The following NPHS2 variants were observed in gnomAD, a reference collection of about 807,000 sequenced individuals.
The protein encoded by NPHS2 is NPHS2 stomatin family member, podocin.
NPHS2 carries 36 observed loss-of-function variants against 37.1 expected under a neutral mutation model. The observed-to-expected ratio is 0.97, with a 90% confidence interval of 0.74 to 1.28. The LOEUF is 1.28. Ranked by LOEUF, NPHS2 falls within the 50% of genes most tolerant of loss-of-function variation. NPHS2 has a pLI of 0.00. For missense variants in NPHS2, 447 were observed against 488.1 expected (o/e 0.92, Z 0.79); for synonymous variants, 196 against 189.3 (o/e 1.04, Z -0.29).
chr1:179,566,589 T>C (rs1674343063), intron 1 of NPHS2, among the ~76,000 whole-genome samples: 1 of 152,378 alleles, frequency 6.6e-6, no homozygotes, highest in Admixed American at 6.5e-5. Context: ...TTTGTCTATT[T>C]TGGCTTTTGT....
Position 179,575,909 on chromosome 1 carries a change from G to A in NPHS2, c.-45C>T, listed in dbSNP as rs992748317. The A allele has an allele frequency of 1.2e-5, 17 of 1,365,982 alleles. No homozygotes were observed. The highest frequency in any genetic ancestry group is 1.6e-5 in the Non-Finnish European group (17 of 1,067,638). 84.6% of individuals were successfully genotyped at this position (1,365,982 alleles called of 1,614,324 possible). A position where few individuals can be genotyped will look rare whatever the true frequency, so the allele number is the denominator to read the frequency against. ...CTGGAGCAGCAGCGCGGGAGCGCTA[G>A]GGGCACGGGAGCGCAGTCCCTGTGG... is the stretch of plus-strand genomic sequence containing the variant. On this transcript the variant is annotated 5_prime_UTR_variant, in exon 1 of 8. Transcript: ENST00000367615.
intron 2 of NPHS2, among the ~76,000 whole-genome samples, chr1:179,563,075 G>C (rs1306982012): frequency 6.6e-6 from 1 of 152,126 alleles, no homozygotes; most frequent in Non-Finnish European, 1.5e-5. Flanking sequence ...ACTGTCTATA[G>C]GAGACACACT....
chr1:179,575,852 C>T lies in NPHS2; in HGVS notation c.13G>A (p.Ala5Thr). The change falls in exon 1 of 8, where the codon GCG (alanine) becomes ACG (threonine). Residue 5 changes from alanine (A) to threonine (T), a missense_variant. Physicochemically the swap from Ala to Thr is moderately conservative, Grantham distance 58 (BLOSUM62 0). Transcript: ENST00000367615. The stretch of plus-strand genomic sequence containing the variant: ...CGGGACTCCCTGGAGGAGCTCCGCG[C>T]CCTCCTCTCCATCCTCAGAGCTGCC... MERR[A>T]RSSSRESRGR... 1 of 1,423,894 alleles carries T rather than the reference C, an allele frequency of 7.0e-7. No homozygotes were observed. The highest frequency in any genetic ancestry group is 9.1e-7 in the Non-Finnish European group (1 of 1,097,822). 88.2% of individuals were successfully genotyped at this position (1,423,894 alleles called of 1,614,324 possible).
In NPHS2 at chr1:179,552,646, G is replaced by A; in HGVS notation, c.830C>T (p.Ser277Leu). The A allele has an allele frequency of 1.2e-6, 2 of 1,614,012 alleles. No homozygotes were observed. Among genetic ancestry groups the A allele is most frequent in the African/African-American group, 1.3e-5 (1 of 75,042 alleles). ...TTGCGCTTCAGCCTCCACAGCCAGTGAGTGCTGAAGCCCAGCTGGCAACCT... is the reference window on the plus strand; with the variant it reads ...TTGCGCTTCAGCCTCCACAGCCAGTAAGTGCTGAAGCCCAGCTGGCAACCT... ...DVRLPAGLQH[S>L]LAVEAEAQRQ... The change falls in exon 7 of 8, where the codon TCA becomes TTA. Residue 277 changes from serine (S) to leucine (L), a missense_variant. Physicochemically the swap from Ser to Leu is moderately radical, Grantham distance 145 (BLOSUM62 -2). Transcript: ENST00000367615.
intron 2 of NPHS2, among the ~76,000 whole-genome samples, chr1:179,561,942 A>G (rs1461751128): frequency 6.6e-6 from 1 of 152,062 alleles, no homozygotes; most frequent in Non-Finnish European, 1.5e-5. Flanking sequence ...AGTAGCTGGT[A>G]TTACAGGTGT....
At chr1:179,569,576 C>T (rs551032994) in intron 1 of NPHS2, among the ~76,000 whole-genome samples, 3 of 152,252 alleles carry the variant, frequency 2.0e-5, no homozygotes, top group Non-Finnish European at 2.9e-5. Flanking sequence ...GAATTTGATC[C>T]TGTCATTATG....
At chr1:179,559,537 T>G (rs773137882) in intron 4 of NPHS2, 142 bp downstream of exon 4, 3 of 642,228 alleles carry the variant, frequency 4.7e-6, no homozygotes, top group Non-Finnish European at 8.6e-6. Context: ...ATTGTGTCCT[T>G]TGATGCACAA....
At chr1:179,562,893 G>T (rs1323095273) in intron 2 of NPHS2, among the ~76,000 whole-genome samples, 2 of 152,142 alleles carry the variant, frequency 1.3e-5, no homozygotes, top group Non-Finnish European at 2.9e-5. Flanking sequence ...AAATATAACT[G>T]CCTGGTTCTG....
intron 1 of NPHS2, among the ~76,000 whole-genome samples, chr1:179,571,451 G>C (rs1314943422): frequency 6.6e-6 from 1 of 152,100 alleles, no homozygotes; most frequent in African/African-American, 2.4e-5. Flanking sequence ...TTCATCCCAG[G>C]GGGGCAGCCG....
intron 1 of NPHS2, among the ~76,000 whole-genome samples, chr1:179,573,366 A>G (rs1366141436): frequency 1.3e-5 from 2 of 152,188 alleles, no homozygotes; most frequent in African/African-American, 4.8e-5. Context: ...GCTCCACCAA[A>G]GAAGAACTTC....
intron 1 of NPHS2, among the ~76,000 whole-genome samples, chr1:179,571,658 C>G (rs1400244787): frequency 6.6e-6 from 1 of 152,238 alleles, no homozygotes; most frequent in Non-Finnish European, 1.5e-5. Context: ...TTTTGTTCAC[C>G]TATGCCCTGC....
chr1:179,563,485 A>T (rs763671375), intron 2 of NPHS2, among the ~76,000 whole-genome samples: 1 of 152,218 alleles, frequency 6.6e-6, no homozygotes, highest in South Asian at 2.1e-4. Context: ...TACACAGAAC[A>T]TCTCCACCCA....
At position 179,575,796 on chromosome 1, in the gene NPHS2, C is replaced by A; in HGVS notation, c.69G>T (p.Glu23Asp). 1 of 1,492,248 alleles carries A rather than the reference C, an allele frequency of 6.7e-7. No homozygotes were observed. The highest frequency in any genetic ancestry group is 1.3e-5 in the South Asian group (1 of 76,468). 92.4% of individuals were successfully genotyped at this position (1,492,248 alleles called of 1,614,324 possible). A position where few individuals can be genotyped will look rare whatever the true frequency, so the allele number is the denominator to read the frequency against. Residue 23 changes from glutamate to aspartate, a missense_variant, in exon 1 of 8, where the codon GAG (glutamate) becomes GAT (aspartate). By Grantham distance (45) the Glu-to-Asp change is conservative. Coordinates refer to ENST00000367615, the MANE Select transcript of NPHS2 (RefSeq NM_014625.4). ...TCCTCTCGGCCTTTGCCCTCTTGTT[C>A]TCCTTGTGCGGAGTCCTGCCGCCTC... is the stretch of plus-strand genomic sequence containing the variant. ...RGRGGRTPHK[E>D]NKRAKAERSG...
chr1:179,572,652 C>T (rs888951629), intron 1 of NPHS2, among the ~76,000 whole-genome samples: 2 of 152,144 alleles, frequency 1.3e-5, no homozygotes, highest in East Asian at 3.8e-4. Flanking sequence ...TACTAGAAAA[C>T]TTACTAAAGC....
intron 4 of NPHS2, among the ~76,000 whole-genome samples, chr1:179,558,571 A>G (rs1674020671): frequency 6.6e-6 from 1 of 152,110 alleles, no homozygotes; most frequent in Admixed American, 6.5e-5. Flanking sequence ...TTAAGACCCT[A>G]CTTTCAATTC....
chr1:179,552,642 C>T lies in NPHS2; in HGVS notation c.834G>A (p.Leu278=). ...VRLPAGLQHS[L]AVEAEAQRQA... ...GTCTTTGCGCTTCAGCCTCCACAGC[C>T]AGTGAGTGCTGAAGCCCAGCTGGCA... The change falls in exon 7 of 8, where the codon CTG becomes CTA. Residue 278 remains leucine (L), a synonymous_variant. Coordinates refer to ENST00000367615, the MANE Select transcript of NPHS2 (RefSeq NM_014625.4). The T allele has an allele frequency of 1.2e-6, 2 of 1,613,978 alleles. No homozygotes were observed. The highest frequency in any genetic ancestry group is 1.7e-6 in the Non-Finnish European group (2 of 1,179,964).
intron 3 of NPHS2, among the ~76,000 whole-genome samples, chr1:179,560,413 TCA>T (rs1229688648): frequency 1.3e-5 from 2 of 152,132 alleles, no homozygotes; most frequent in African/African-American, 2.4e-5. Context: ...AAGCAGCACC[TCA>T]CAGAGTCCAG....
chr1:179,556,454 C>T lies in NPHS2; in HGVS notation c.738+573G>A, dbSNP rs185062684. Among the ~76,000 whole-genome samples, 375 of 152,334 alleles carry T rather than the reference C, an allele frequency of 2.5e-3. 3 individuals are homozygous for T. The highest frequency in any genetic ancestry group is 6.8e-3 in the Middle Eastern group (2 of 294). ...CCTGGCCGTGAATGAGCTTGCTGAG[C>T]TTGCTGTCTGTGGACTAGAGGGAGC... is the stretch of plus-strand genomic sequence containing the variant. On this transcript the variant is annotated intron_variant, in intron 5 of 7. Transcript: ENST00000367615. The surrounding 1 kb of genome is among the most constrained non-coding windows in gnomAD (Gnocchi z 4.1).
At chr1:179,568,204 G>A (rs1400480133) in intron 1 of NPHS2, among the ~76,000 whole-genome samples, 2 of 152,080 alleles carry the variant, frequency 1.3e-5, no homozygotes, top group African/African-American at 2.4e-5. Flanking sequence ...TGGTTGGTAG[G>A]CTATTATTTA....
Sources: allele counts gnomAD v4.1 joint callset (sites outside exome capture counted in the v4.1 genomes callset), GRCh38; gene constraint gnomAD v4.1.1; non-coding constraint Gnocchi (gnomAD v3.1); transcripts MANE v1.5; gene names NCBI Gene and HGNC (gene_info 2026-07-23, HGNC 2026-07-21).